Variants in RNLS observed in about 807,000 individuals in gnomAD.
RNLS encodes renalase, FAD dependent amine oxidase.
In RNLS, 39 loss-of-function variants were observed where a neutral mutation model predicts 39.8. That is an observed-to-expected ratio of 0.98 (90% confidence interval 0.76 to 1.28). RNLS has a LOEUF of 1.28. Ranked by LOEUF, RNLS falls within the 50% of genes most tolerant of loss-of-function variation. The pLI is 0.00. For missense variants in RNLS, 410 were observed against 413.3 expected (o/e 0.99, Z 0.07); for synonymous variants, 147 against 150.7 (o/e 0.98, Z 0.18).
downstream of RNLS, among the ~76,000 whole-genome samples, chr10:88,272,255 CA>C (rs1289684343): frequency 6.6e-6 from 1 of 152,178 alleles, no homozygotes; most frequent in Non-Finnish European, 1.5e-5. Flanking sequence ...GGCACAGAAA[CA>C]GAAGCTTTAT....
chr10:88,575,157 T>C (rs1351580852), intron 3 of RNLS, among the ~76,000 whole-genome samples: 26 of 36,632 alleles, frequency 7.1e-4, no homozygotes, highest in African/African-American at 2.0e-3. Context: ...TATATATATA[T>C]ATACACACAC....
chr10:88,509,260 A>C (rs1203861923), intron 4 of RNLS, among the ~76,000 whole-genome samples: 1 of 152,168 alleles, frequency 6.6e-6, no homozygotes, highest in Non-Finnish European at 1.5e-5. Context: ...AAAGACAGGC[A>C]ACTGTTGCAC....
At chr10:88,456,121 C>G (rs1842615369) in intron 4 of RNLS, among the ~76,000 whole-genome samples, 2 of 152,090 alleles carry the variant, frequency 1.3e-5, no homozygotes, top group Non-Finnish European at 2.9e-5. Flanking sequence ...TTTTCTGTTT[C>G]AACTAAGCAA....
exon 7 of RNLS, chr10:88,273,957 A>G (rs1842724111): frequency 6.6e-6 from 1 of 152,206 alleles, no homozygotes; most frequent in South Asian, 2.1e-4. Flanking sequence ...AAACATACAT[A>G]TGTACACATT....
At chr10:88,263,544 T>C in the RNLS span, among the ~76,000 whole-genome samples, 1 of 152,128 alleles carries the variant, frequency 6.6e-6, no homozygotes, top group Non-Finnish European at 1.5e-5. Flanking sequence ...TTTTCATTTT[T>C]TTTTCTTTTT....
At chr10:88,474,411 T>C (rs1589855578) in intron 4 of RNLS, among the ~76,000 whole-genome samples, 1 of 152,318 alleles carries the variant, frequency 6.6e-6, no homozygotes, top group East Asian at 1.9e-4. Flanking sequence ...CCCACACCTA[T>C]GTCCCTCCTT....
the RNLS span, among the ~76,000 whole-genome samples, chr10:88,204,425 G>T: frequency 6.6e-6 from 1 of 152,128 alleles, no homozygotes; most frequent in Non-Finnish European, 1.5e-5. Flanking sequence ...CTTATTTCTA[G>T]TGATAGCAGA....
chr10:88,256,406 A>C, the RNLS span, among the ~76,000 whole-genome samples: 3 of 152,256 alleles, frequency 2.0e-5, no homozygotes, highest in African/African-American at 7.2e-5. Flanking sequence ...AATCACATTT[A>C]GTCGGACAAC....
At chr10:88,435,145 G>T (rs997821462) in intron 4 of RNLS, among the ~76,000 whole-genome samples, 2 of 151,834 alleles carry the variant, frequency 1.3e-5, no homozygotes, top group East Asian at 3.9e-4. Flanking sequence ...ATTCTGATCA[G>T]CTGTCTTGTT....
chr10:88,351,324 T>A lies in RNLS; in HGVS notation c.700+11228A>T, dbSNP rs1848690174. Among the ~76,000 whole-genome samples, 3 of 152,250 alleles carry A rather than the reference T, an allele frequency of 2.0e-5. 1 individual carries two copies. The South Asian group carries it at 6.2e-4, about 31-fold the overall frequency. On this transcript the variant is annotated intron_variant, in intron 5 of 6. Transcript: ENST00000331772. ...TTGCCCATCCCTATGTCCTAAATGG[T>A]AATGCCTATGTTTTCTTCTATGGTT... is the stretch of plus-strand genomic sequence containing the variant.
chr10:88,505,748 C>A (rs1043937462), intron 4 of RNLS, among the ~76,000 whole-genome samples: 6 of 151,990 alleles, frequency 3.9e-5, no homozygotes, highest in African/African-American at 9.7e-5. Context: ...AAAAATGAAT[C>A]TTTACAACGG....
rs34411833 is a variant in RNLS, at chr10:88,504,844, A to AGTGTGTGT, written c.526+68051_526+68058dup. On this transcript the variant is annotated intron_variant, in intron 4 of 6. Coordinates refer to ENST00000331772, the MANE Select transcript of RNLS (RefSeq NM_001031709.3). ...GAGCAAATTAGAGAGAGAGAGACAG[A>AGTGTGTGT]GTGTGTGTGTGTGTGTGTGTGTGTG... is the stretch of plus-strand genomic sequence containing the variant. 2.8e-3 allele frequency among the ~76,000 whole-genome samples: 387 copies of AGTGTGTGT among 136,242 alleles called. 1 individual carries two copies. The highest frequency in any genetic ancestry group is 6.1e-3 in the African/African-American group (225 of 36,800). 89.4% of individuals were successfully genotyped at this position (136,242 alleles called of 152,430 possible). A position where few individuals can be genotyped will look rare whatever the true frequency, so the allele number is the denominator to read the frequency against.
intron 4 of RNLS, among the ~76,000 whole-genome samples, chr10:88,488,183 A>G (rs1356114741): frequency 6.6e-6 from 1 of 152,132 alleles, no homozygotes; most frequent in African/African-American, 2.4e-5. Context: ...CATAATATAA[A>G]ACATTAAATT....
intron 5 of RNLS, among the ~76,000 whole-genome samples, chr10:88,358,831 T>C (rs556448863): frequency 6.1e-4 from 93 of 152,346 alleles, no homozygotes; most frequent in African/African-American, 2.1e-3. Context: ...TCTAGCTCTC[T>C]TCAAGACTTA....
chr10:88,244,646 C>A, the RNLS span, among the ~76,000 whole-genome samples: 1 of 151,258 alleles, frequency 6.6e-6, no homozygotes, highest in Non-Finnish European at 1.5e-5. Context: ...AATCAAGAGA[C>A]TTGGCTTTTC....
intron 4 of RNLS, among the ~76,000 whole-genome samples, chr10:88,531,309 GAAA>G (rs1323737268): frequency 7.9e-6 from 1 of 126,836 alleles, no homozygotes. Flanking sequence ...TTGAAGTACT[GAAA>G]AAAAAAAAAA....
At chr10:88,288,427 G>A (rs1478861295) in intron 6 of RNLS, among the ~76,000 whole-genome samples, 2 of 152,070 alleles carry the variant, frequency 1.3e-5, no homozygotes, top group Non-Finnish European at 2.9e-5. Context: ...TAGTCACTTA[G>A]CTTTAGGCAT....
chr10:88,420,922 T>A (rs1397240795), intron 4 of RNLS, among the ~76,000 whole-genome samples: 1 of 152,246 alleles, frequency 6.6e-6, no homozygotes, highest in East Asian at 1.9e-4. Flanking sequence ...AGTCTATACC[T>A]ATAACCCTAA....
chr10:88,557,782 T>C (rs903759953), intron 4 of RNLS, among the ~76,000 whole-genome samples: 10 of 152,204 alleles, frequency 6.6e-5, no homozygotes, highest in African/African-American at 2.4e-4. Context: ...ATTTCTTCTC[T>C]TTTGAAAATG....
Sources: allele counts gnomAD v4.1 joint callset (sites outside exome capture counted in the v4.1 genomes callset), GRCh38; gene constraint gnomAD v4.1.1; transcripts MANE v1.5; gene names NCBI Gene and HGNC (gene_info 2026-07-23, HGNC 2026-07-21).